The following LINGO2 variants were observed in gnomAD, a reference collection of about 807,000 sequenced individuals.
The protein encoded by LINGO2 is leucine rich repeat and Ig domain containing 2.
LINGO2 carries 14 observed loss-of-function variants against 30.6 expected under a neutral mutation model. The observed-to-expected ratio is 0.46, with a 90% CI of 0.30 to 0.72. The LOEUF (loss-of-function observed/expected upper bound fraction) is 0.72. LINGO2 is among the 30% of genes least tolerant of loss of function. LINGO2 has a pLI of 0.07. For missense variants in LINGO2, 729 were observed against 751.7 expected, an observed-to-expected ratio of 0.97 and a Z score of 0.35; for synonymous variants, 317 against 288.5, an observed-to-expected ratio of 1.10 and a Z score of -1.00.
At chr9:28,659,888 C>A (rs1828518522) in intron 1 of LINGO2, among the ~76,000 whole-genome samples, 1 of 152,044 alleles carries the variant, frequency 6.6e-6, no homozygotes, top group Non-Finnish European at 1.5e-5. Context: ...AAAATAAAGA[C>A]CTTCATAGAC....
At chr9:28,562,956 C>G (rs1823180668) in intron 1 of LINGO2, among the ~76,000 whole-genome samples, 2 of 152,074 alleles carry the variant, frequency 1.3e-5, no homozygotes, top group African/African-American at 4.8e-5. Context: ...AAGCGATTAT[C>G]CTGCCTCAGC....
chr9:28,678,097 T>C, the LINGO2 span, among the ~76,000 whole-genome samples: 19 of 151,392 alleles, frequency 1.3e-4, no homozygotes, highest in Non-Finnish European at 2.2e-4. Context: ...AAATATCAAT[T>C]GGATCATGTC....
rs575774861 is a variant in LINGO2 at position 28,472,902 on chromosome 9, T to G, written c.-279+3038A>C. ...TGTTTCTTTTCAATTGTCTGTACTTTAATATATCCAATCTCTGTGTTTTTT... is the reference window on the plus strand; with the variant it reads ...TGTTTCTTTTCAATTGTCTGTACTTGAATATATCCAATCTCTGTGTTTTTT... On this transcript the variant is annotated intron_variant, in intron 2 of 5. Transcript: ENST00000379992. Among the ~76,000 whole-genome samples, 5 of 152,330 alleles carry G rather than the reference T, an allele frequency of 3.3e-5. No homozygotes were observed. The South Asian group carries it at 8.3e-4, about 25-fold the overall frequency.
At chr9:28,492,483 G>A (rs1324555062) in intron 1 of LINGO2, among the ~76,000 whole-genome samples, 1 of 152,148 alleles carries the variant, frequency 6.6e-6, no homozygotes, top group Non-Finnish European at 1.5e-5. Flanking sequence ...GCAACCTGAA[G>A]CTGCATAACA....
chr9:28,953,301 A>G, the LINGO2 span, among the ~76,000 whole-genome samples: 1 of 152,174 alleles, frequency 6.6e-6, no homozygotes, highest in Non-Finnish European at 1.5e-5. Context: ...GTTGTCTTAT[A>G]TCAGTGCTCA....
chr9:28,145,709 T>C (rs1587078093), intron 4 of LINGO2, among the ~76,000 whole-genome samples: 1 of 152,136 alleles, frequency 6.6e-6, no homozygotes, highest in Non-Finnish European at 1.5e-5. Context: ...GGATGTGAAA[T>C]TTGAACCAAG....
chr9:28,869,201 T>A, the LINGO2 span, among the ~76,000 whole-genome samples: 1 of 152,022 alleles, frequency 6.6e-6, no homozygotes, highest in Non-Finnish European at 1.5e-5. Flanking sequence ...CATTGAAGAA[T>A]CAAAGGGAAT....
At chr9:29,006,502 C>G in the LINGO2 span, among the ~76,000 whole-genome samples, 3 of 151,898 alleles carry the variant, frequency 2.0e-5, no homozygotes, top group Admixed American at 1.3e-4. Context: ...GTACCAGTAT[C>G]TTATCAGTAA....
chr9:28,145,140 G>A (rs1158587295), intron 4 of LINGO2, among the ~76,000 whole-genome samples: 1 of 152,138 alleles, frequency 6.6e-6, no homozygotes, highest in Admixed American at 6.5e-5. Flanking sequence ...AGATTATGCA[G>A]AAAATTAGGC....
exon 6 of LINGO2, chr9:27,949,504 C>T (rs1193139105): frequency 6.2e-7 from 1 of 1,614,102 alleles, no homozygotes; most frequent in Non-Finnish European, 8.5e-7. Flanking sequence ...AAAGACCTCT[C>T]ACGGATGGTG....
At chr9:29,002,222 T>A in the LINGO2 span, among the ~76,000 whole-genome samples, 2 of 152,042 alleles carry the variant, frequency 1.3e-5, no homozygotes, top group Non-Finnish European at 2.9e-5. Flanking sequence ...ATCCTTAAAT[T>A]CCTAGTGTCT....
the LINGO2 span, among the ~76,000 whole-genome samples, chr9:28,897,199 A>G: frequency 2.0e-5 from 3 of 152,162 alleles, no homozygotes; most frequent in Admixed American, 6.5e-5. Flanking sequence ...CGTCCAATGA[A>G]ACTCATCTCC....
At chr9:28,167,684 A>C (rs11795280) in intron 4 of LINGO2, among the ~76,000 whole-genome samples, 1 of 151,938 alleles carries the variant, frequency 6.6e-6, no homozygotes, top group Non-Finnish European at 1.5e-5. Context: ...ACTGCACCCC[A>C]CCTATTGTCT....
chr9:28,365,808 C>T (rs1820647919), intron 3 of LINGO2, among the ~76,000 whole-genome samples: 2 of 144,952 alleles, frequency 1.4e-5, no homozygotes, highest in East Asian at 2.0e-4. Flanking sequence ...TCCTTTTCTT[C>T]CAATGGGGAA....
the LINGO2 span, among the ~76,000 whole-genome samples, chr9:29,080,408 G>GGA: frequency 6.6e-6 from 1 of 150,804 alleles, no homozygotes; most frequent in Non-Finnish European, 1.5e-5. Context: ...TGGATTCATT[G>GGA]ATTTTTTTTT....
At chr9:28,949,611 G>A in the LINGO2 span, among the ~76,000 whole-genome samples, 2 of 152,080 alleles carry the variant, frequency 1.3e-5, no homozygotes, top group Non-Finnish European at 2.9e-5. Context: ...AATTGAGACG[G>A]TAATTAATAG....
intron 4 of LINGO2, among the ~76,000 whole-genome samples, chr9:28,090,083 C>G (rs1031824408): frequency 3.9e-5 from 6 of 152,016 alleles, no homozygotes; most frequent in African/African-American, 1.4e-4. Flanking sequence ...AGCTTACCAA[C>G]CAAAAAAAGT....
At chr9:29,064,669 A>C in the LINGO2 span, among the ~76,000 whole-genome samples, 1 of 152,098 alleles carries the variant, frequency 6.6e-6, no homozygotes, top group East Asian at 1.9e-4. Flanking sequence ...ATTAAATAAT[A>C]CATACAGTTA....
chr9:28,963,543 T>TACGCACACACACACAC, the LINGO2 span, among the ~76,000 whole-genome samples: 1 of 140,804 alleles, frequency 7.1e-6, no homozygotes, highest in African/African-American at 2.7e-5. Context: ...GGTATATGAA[T>TACGCACACACACACAC]ACACACACAC....
Sources: gnomAD v4.1 joint callset for allele counts (sites outside exome capture counted in the v4.1 genomes callset) on GRCh38, gnomAD v4.1.1 for gene constraint, MANE v1.5 for transcripts, NCBI Gene and HGNC (gene_info 2026-07-23, HGNC 2026-07-21) for gene names.